ZNF226: variants seen among roughly 807,000 people sequenced by gnomAD.
ZNF226 encodes the protein Kruppel-associated box protein.
A neutral mutation model predicts 11.4 loss-of-function variants in ZNF226; 6 were observed. That is an observed-to-expected ratio of 0.53 (90% confidence interval 0.29 to 1.04). The LOEUF (loss-of-function observed/expected upper bound fraction) is 1.04. Ranked by LOEUF, ZNF226 falls within the 50% of genes least tolerant of loss-of-function variation. The pLI is 0.08. For missense variants in ZNF226, 1,058 were observed against 956.5 expected (o/e 1.11, Z -1.40); for synonymous variants, 350 against 322.8 (o/e 1.08, Z -0.90).
the ZNF226 span, among the ~76,000 whole-genome samples, chr19:44,189,733 G>T: frequency 6.6e-6 from 1 of 152,206 alleles, no homozygotes; most frequent in African/African-American, 2.4e-5. Context: ...GACAAACTAA[G>T]AGGGGCAACA....
chr19:44,187,698 C>T, the ZNF226 span, among the ~76,000 whole-genome samples: 6 of 151,872 alleles, frequency 4.0e-5, no homozygotes, highest in Non-Finnish European at 7.4e-5. The surrounding 1 kb of genome is among the most constrained non-coding windows in gnomAD (Gnocchi z 4.0). Context: ...TTTCCTATTT[C>T]CTTAAAGTAT....
the ZNF226 span, among the ~76,000 whole-genome samples, chr19:44,191,121 C>T: frequency 2.0e-5 from 3 of 152,170 alleles, no homozygotes; most frequent in African/African-American, 7.2e-5. Flanking sequence ...TTCTTCACTG[C>T]AGTTGTGAAA....
Position 44,176,166 on chromosome 19 carries a change from C to T in ZNF226, c.904C>T (p.His302Tyr), listed in dbSNP as rs1158802096. 1 of 1,614,120 alleles carries T rather than the reference C, an allele frequency of 6.2e-7. No individual in the cohort carries two copies. The highest frequency in any genetic ancestry group is 8.5e-7 in the Non-Finnish European group (1 of 1,180,020). ...SPVLPVHQKV[H>Y]VGEKLKCDEC... is the part of the protein sequence containing the mutation. ...AGTTCTTCCTGTTCATCAGAAAGTACATGTGGGAGAAAAACTTAAGTGTGA... is the reference window on the plus strand; with the variant it reads ...AGTTCTTCCTGTTCATCAGAAAGTATATGTGGGAGAAAAACTTAAGTGTGA... The change falls in exon 6 of 6, where the codon CAT becomes TAT. Residue 302 changes from histidine to tyrosine, a missense_variant. Coordinates refer to ENST00000337433, the MANE Select transcript of ZNF226 (RefSeq NM_001032373.2).
At chr19:44,193,155 ATAGT>A in the ZNF226 span, among the ~76,000 whole-genome samples, 3 of 152,258 alleles carry the variant, frequency 2.0e-5, no homozygotes, top group South Asian at 2.1e-4. Flanking sequence ...TTTTTAGTAA[ATAGT>A]TATTTACTAT....
intron 5 of ZNF226, chr19:44,173,199 T>C: frequency 7.3e-6 from 4 of 550,928 alleles, no homozygotes; most frequent in East Asian, 5.8e-5. Context: ...CTGTGACTTA[T>C]TTTACATAGA....
chr19:44,177,540 T>A lies in ZNF226; in HGVS notation c.2278T>A (p.Cys760Ser), dbSNP rs778990236. 8 of 1,614,124 alleles carry A rather than the reference T, an allele frequency of 5.0e-6. No homozygotes were observed. The highest frequency in any genetic ancestry group is 6.8e-6 in the Non-Finnish European group (8 of 1,179,968). Reference protein sequence around the residue: ...TGEKPYKCEICGKSFSWRSNL... With the variant: ...TGEKPYKCEISGKSFSWRSNL... ...GGAGAAACCTTATAAATGTGAGATATGTGGTAAGAGCTTCAGTTGGCGATC... is the reference window on the plus strand; with the variant it reads ...GGAGAAACCTTATAAATGTGAGATAAGTGGTAAGAGCTTCAGTTGGCGATC... The change falls in exon 6 of 6, where the codon TGT becomes AGT. Residue 760 changes from cysteine (C) to serine (S), a missense_variant. Transcript: ENST00000337433.
At chr19:44,184,476 A>G in the ZNF226 span, among the ~76,000 whole-genome samples, 1 of 151,904 alleles carries the variant, frequency 6.6e-6, no homozygotes, top group Non-Finnish European at 1.5e-5. Context: ...GCTGTTCAGG[A>G]GGCTGAGGCA....
chr19:44,181,399 C>G (rs1397404098), downstream of ZNF226, among the ~76,000 whole-genome samples: 3 of 152,102 alleles, frequency 2.0e-5, no homozygotes, highest in African/African-American at 7.2e-5. Flanking sequence ...AAATAAGTTT[C>G]ATCTCTCCCT....
intron 3 of ZNF226, 139 bp from the exon 4 acceptor site, chr19:44,171,949 T>C (rs1970144740): frequency 2.7e-6 from 3 of 1,117,786 alleles, no homozygotes; most frequent in South Asian, 1.3e-5. Flanking sequence ...AGTCAGTGTA[T>C]GGCATTGGCA....
At chr19:44,197,064 C>G in the ZNF226 span, among the ~76,000 whole-genome samples, 1 of 152,020 alleles carries the variant, frequency 6.6e-6, no homozygotes, top group African/African-American at 2.4e-5. Flanking sequence ...TGTATATATC[C>G]TTTTGTGTCT....
At chr19:44,168,528 C>G (rs552488849) in intron 2 of ZNF226, among the ~76,000 whole-genome samples, 29 of 152,252 alleles carry the variant, frequency 1.9e-4, no homozygotes, top group African/African-American at 6.7e-4. Flanking sequence ...TAGAATGATT[C>G]CTCAGACTTT....
Position 44,177,488 on chromosome 19 carries a change from A to G in ZNF226, c.2226A>G (p.Leu742=). Residue 742 remains leucine (L), a synonymous_variant, in exon 6 of 6, where the codon CTA becomes CTG. Coordinates refer to ENST00000337433, the MANE Select transcript of ZNF226 (RefSeq NM_001032373.2). The part of the protein sequence containing the change: ...CGKVFSRSSQ[L]QSHQRVHTGE... ...AAGTCTTCAGTCGGTCTTCACAACT[A>G]CAGTCTCATCAGCGAGTTCACACTG... is the stretch of plus-strand genomic sequence containing the variant. 1 of 1,614,194 alleles carries G rather than the reference A, an allele frequency of 6.2e-7. No homozygotes were observed.
chr19:44,186,267 A>C, the ZNF226 span, among the ~76,000 whole-genome samples: 58 of 152,142 alleles, frequency 3.8e-4, no homozygotes, highest in African/African-American at 1.3e-3. Flanking sequence ...TAGTGATTGC[A>C]TTGAATCTGT....
the ZNF226 span, among the ~76,000 whole-genome samples, chr19:44,196,680 C>G: frequency 4.6e-5 from 7 of 152,250 alleles, no homozygotes; most frequent in African/African-American, 1.7e-4. Flanking sequence ...GGAATTCCAC[C>G]CAGCATTTCT....
Position 44,172,879 on chromosome 19 carries a change from A to G in ZNF226, c.162A>G (p.Gln54=). ...LLSVGHPPFK[Q]DVSPIERNEQ... ...TCACAGGGCATCCACCCTTCAAACA[A>G]GATGTATCACCTATAGAAAGAAATG... Residue 54 remains glutamine, a synonymous_variant, in exon 5 of 6, where the codon CAA becomes CAG. Transcript: ENST00000337433. 6.2e-7 allele frequency: 1 copy of G among 1,604,306 alleles called. No homozygotes were observed. The highest frequency in any genetic ancestry group is 8.5e-7 in the Non-Finnish European group (1 of 1,175,316).
At chr19:44,180,373 A>G (rs1325214441), downstream of ZNF226, among the ~76,000 whole-genome samples, 1 of 152,166 alleles carries the variant, frequency 6.6e-6, no homozygotes, top group African/African-American at 2.4e-5. Context: ...AATTTTCTCT[A>G]TTTGGATTAC....
At position 44,176,686 on chromosome 19, in the gene ZNF226, A is replaced by C; in HGVS notation, c.1424A>C (p.Tyr475Ser). The change falls in exon 6 of 6, where the codon TAC (tyrosine) becomes TCC (serine). Residue 475 changes from tyrosine (Y) to serine (S), a missense_variant. By Grantham distance (144) the Tyr-to-Ser change is moderately radical. Coordinates refer to ENST00000337433, the MANE Select transcript of ZNF226 (RefSeq NM_001032373.2). ...GGAGTTCACACTGGAGAGAAGTCAT[A>C]CATATGTACTGTATGTGGGAAAGGC... ...HQGVHTGEKS[Y>S]ICTVCGKGFT... 6.2e-7 allele frequency: 1 copy of C among 1,614,082 alleles called. No homozygotes were observed. Among genetic ancestry groups the C allele is most frequent in the Middle Eastern group, 1.7e-4 (1 of 6,060 alleles).
downstream of ZNF226, among the ~76,000 whole-genome samples, chr19:44,182,400 C>A (rs1433440135): frequency 1.3e-5 from 2 of 152,102 alleles, no homozygotes; most frequent in Non-Finnish European, 2.9e-5. Context: ...TTATAACAAG[C>A]AAAAATGTCT....
intron 2 of ZNF226, 44 bp from the exon 3 acceptor site, chr19:44,169,991 A>G: frequency 7.1e-7 from 1 of 1,415,524 alleles, no homozygotes; most frequent in Non-Finnish European, 9.6e-7. Flanking sequence ...GTGCATTAGC[A>G]ACATACTTAC....
Sources: gnomAD v4.1 joint callset for allele counts (sites outside exome capture counted in the v4.1 genomes callset) on GRCh38, gnomAD v4.1.1 for gene constraint, Gnocchi (gnomAD v3.1) non-coding constraint, MANE v1.5 for transcripts, NCBI Gene and HGNC (gene_info 2026-07-23, HGNC 2026-07-21) for gene names.